The following DNPEP variants were observed in gnomAD, a reference collection of about 807,000 sequenced individuals.
DNPEP encodes aspartyl aminopeptidase.
In DNPEP, 46 loss-of-function variants were observed where a neutral mutation model predicts 59.1. That is an observed-to-expected ratio of 0.78 (90% CI 0.61 to 0.99). DNPEP has a LOEUF of 0.99. Among genes scored for constraint, DNPEP ranks in the 50% least tolerant of loss-of-function variants. The probability of loss-of-function intolerance (pLI) is 0.00; values close to 1 mark genes in which losing one functional copy is unlikely to be tolerated. For synonymous variants in DNPEP, 229 were observed against 242.2 expected, an observed-to-expected ratio of 0.95 and a Z score of 0.50; for missense variants, 617 against 649.9, an observed-to-expected ratio of 0.95 and a Z score of 0.55.
chr2:219,398,388 G>C (rs1056504102), intron 1 of DNPEP, among the ~76,000 whole-genome samples: 1 of 152,232 alleles, frequency 6.6e-6, no homozygotes, highest in Admixed American at 6.5e-5. Context: ...GTTGGCTCAC[G>C]CCTGTAATCC....
At chr2:219,399,871 G>A in intron 1 of DNPEP, 1 of 1,550,504 alleles carries the variant, frequency 6.4e-7, no homozygotes, top group Non-Finnish European at 8.7e-7. Flanking sequence ...GTTACCTTGT[G>A]GTAGCCATTG....
rs72963541 is a variant in DNPEP at position 219,385,710 on chromosome 2, T to G, written c.591-4A>C. 9.0e-3 allele frequency: 14,341 copies of G among 1,596,850 alleles called. 80 individuals carry two copies. The highest frequency in any genetic ancestry group is 0.011 in the Non-Finnish European group (12,556 of 1,171,022). ...GGCTGTGGCAAGAATGGGGACTCTG[T>G]GGGGAGACGTGGGTTGTGGGGGGAT... On this transcript the variant is annotated splice_polypyrimidine_tract_variant and splice_region_variant and intron_variant, in intron 6 of 14. Coordinates refer to ENST00000273075, the MANE Select transcript of DNPEP (RefSeq NM_012100.4).
At chr2:219,383,097 G>A (rs367733593) in intron 10 of DNPEP, 34 bp downstream of exon 10, 169 of 1,594,378 alleles carry the variant, frequency 1.1e-4, no homozygotes, top group Middle Eastern at 9.9e-4. Context: ...GGAAGACTCC[G>A]CAGAGGTGAC....
Position 219,373,475 on chromosome 2 carries a change from T to A in DNPEP, c.*817A>T, listed in dbSNP as rs1953255597. ...CCTTGGTTCAAGCTATTCTCCTGCC[T>A]CAGTCTCCTGAATAGCTGAGATTAC... is the stretch of plus-strand genomic sequence containing the variant. On this transcript the variant is annotated 3_prime_UTR_variant, in exon 15 of 15. Coordinates refer to ENST00000273075, the MANE Select transcript of DNPEP (RefSeq NM_012100.4). The A allele has an allele frequency of 6.6e-6, 1 of 152,262 alleles. No homozygotes were observed. The highest frequency in any genetic ancestry group is 1.5e-5 in the Non-Finnish European group (1 of 68,100). The allele number at this position is 152,262 out of a possible 1,614,324, so 9.4% of individuals were successfully genotyped here. A position where few individuals can be genotyped will look rare whatever the true frequency, so the allele number is the denominator to read the frequency against.
At chr2:219,395,107 C>T (rs1954075515) in intron 1 of DNPEP, among the ~76,000 whole-genome samples, 1 of 152,048 alleles carries the variant, frequency 6.6e-6, no homozygotes, top group Admixed American at 6.6e-5. Flanking sequence ...CACCACCATG[C>T]CCAGCTAATT....
At chr2:219,375,055 C>A (rs755607267) in intron 13 of DNPEP, 33 bp from the exon 14 acceptor site, 1 of 1,610,214 alleles carries the variant, frequency 6.2e-7, no homozygotes, top group Non-Finnish European at 8.5e-7. Context: ...GAGCAACATG[C>A]AGTGTGTGCT....
upstream of DNPEP, among the ~76,000 whole-genome samples, chr2:219,391,660 C>T (rs1954018270): frequency 6.6e-6 from 1 of 151,778 alleles, no homozygotes; most frequent in Middle Eastern, 3.4e-3. Flanking sequence ...CCAAGTTGGC[C>T]CCAGCACACT....
intron 11 of DNPEP, 159 bp downstream of exon 11, chr2:219,381,820 A>C: frequency 6.4e-6 from 6 of 940,120 alleles, no homozygotes; most frequent in Non-Finnish European, 9.6e-6. Context: ...GACTTTGACC[A>C]AGTTGGTCTC....
In DNPEP at chr2:219,374,107, C is replaced by G; in HGVS notation, c.*185G>C. On this transcript the variant is annotated 3_prime_UTR_variant, in exon 15 of 15. Transcript: ENST00000273075. ...GCTCCCAGGAGTGTGGCCTCCTCCA[C>G]CTGCTCCCCAACTTTTCTGGTTCCA... 1 of 599,642 alleles carries G rather than the reference C, an allele frequency of 1.7e-6. No individual in the cohort carries two copies. Among genetic ancestry groups the G allele is most frequent in the Non-Finnish European group, 3.0e-6 (1 of 337,484 alleles). 37.1% of individuals were successfully genotyped at this position (599,642 alleles called of 1,614,324 possible).
At chr2:219,395,201 G>C (rs1020362522) in intron 1 of DNPEP, among the ~76,000 whole-genome samples, 2 of 152,134 alleles carry the variant, frequency 1.3e-5, no homozygotes, top group African/African-American at 4.8e-5. Flanking sequence ...GCCCTCCTCA[G>C]CCTCCCGAAG....
At chr2:219,394,214 A>G (rs1954061288) in intron 1 of DNPEP, among the ~76,000 whole-genome samples, 3 of 152,054 alleles carry the variant, frequency 2.0e-5, no homozygotes, top group Non-Finnish European at 4.4e-5. Flanking sequence ...TTCCACCGCA[A>G]CTTTTCTTGT....
At chr2:219,380,924 C>G (rs1953570070) in intron 13 of DNPEP, among the ~76,000 whole-genome samples, 1 of 150,970 alleles carries the variant, frequency 6.6e-6, no homozygotes, top group Non-Finnish European at 1.5e-5. Flanking sequence ...AGTTGGAGTT[C>G]CATACTCCCC....
Position 219,386,700 on chromosome 2 carries a change from G to A in DNPEP, c.298C>T (p.Leu100Phe), listed in dbSNP as rs758617997. The change falls in exon 4 of 15, where the codon CTC becomes TTC. Residue 100 changes from leucine (L) to phenylalanine (F), a missense_variant. By Grantham distance (22) the Leu-to-Phe change is conservative. Coordinates refer to ENST00000273075, the MANE Select transcript of DNPEP (RefSeq NM_012100.4). ...GGGCTGTCCGTGTGGGCCCCGATGAGGCTGAAGCCATTGCCAGGAACGTAC... is the reference window on the plus strand; with the variant it reads ...GGGCTGTCCGTGTGGGCCCCGATGAAGCTGAAGCCATTGCCAGGAACGTAC... The part of the protein sequence containing the change: ...GQYVPGNGFS[L>F]IGAHTDSPCL... The A allele has an allele frequency of 1.9e-6, 3 of 1,612,944 alleles. No homozygotes were observed. The highest frequency in any genetic ancestry group is 1.1e-5 in the South Asian group (1 of 90,630).
chr2:219,391,872 T>TAA (rs5838738), upstream of DNPEP, among the ~76,000 whole-genome samples: 1,536 of 138,342 alleles, frequency 0.011, 20 homozygotes, highest in Non-Finnish European at 0.014. Flanking sequence ...TAGCAGTTCA[T>TAA]AAAAAAAAAA....
At chr2:219,376,586 A>T (rs1953383688) in intron 13 of DNPEP, among the ~76,000 whole-genome samples, 1 of 152,230 alleles carries the variant, frequency 6.6e-6, no homozygotes, top group Non-Finnish European at 1.5e-5. Context: ...TAACAGAAAG[A>T]ATTAGCATTT....
At chr2:219,376,926 A>G (rs1284521238) in intron 13 of DNPEP, among the ~76,000 whole-genome samples, 1 of 152,114 alleles carries the variant, frequency 6.6e-6, no homozygotes, top group African/African-American at 2.4e-5. Context: ...GCCCACCCAG[A>G]TATCATGTGT....
upstream of DNPEP, among the ~76,000 whole-genome samples, chr2:219,390,241 T>G (rs957752259): frequency 6.6e-6 from 1 of 152,212 alleles, no homozygotes; most frequent in African/African-American, 2.4e-5. Flanking sequence ...AAAACAAAAT[T>G]AACAATTCTA....
At position 219,384,365 on chromosome 2, in the gene DNPEP, C is replaced by A. The variant is rs1426064819; in HGVS notation, c.852+1G>T. ...CTGCCTGGGGCGCCCCGGCTCCTCA[C>A]CTGCAGGGCACAGAAGCAGCTGTGC... On this transcript the variant is annotated splice_donor_variant, in intron 9 of 14. Transcript: ENST00000273075. LOFTEE classifies it high-confidence loss of function. 1.9e-6 allele frequency: 3 copies of A among 1,608,684 alleles called. No homozygotes were observed. The highest frequency in any genetic ancestry group is 1.7e-5 in the Admixed American group (1 of 59,478).
intron 1 of DNPEP, among the ~76,000 whole-genome samples, chr2:219,399,035 T>C (rs1220593633): frequency 4.6e-5 from 7 of 152,256 alleles, no homozygotes; most frequent in Non-Finnish European, 2.9e-5. Context: ...AGCTTACTCA[T>C]TTTGCTTCCC....
Sources: gnomAD v4.1 joint callset for allele counts (sites outside exome capture counted in the v4.1 genomes callset) on GRCh38, gnomAD v4.1.1 for gene constraint, MANE v1.5 for transcripts, NCBI Gene and HGNC (gene_info 2026-07-23, HGNC 2026-07-21) for gene names.